Variants in XKR6 observed in about 807,000 individuals in gnomAD.
The protein encoded by XKR6 is XK related 6.
Under a neutral mutation model 56.7 loss-of-function variants are expected in XKR6, and 22 were observed. The ratio of observed to expected loss-of-function variants is 0.39; its 90% CI spans 0.28 to 0.55. The LOEUF (loss-of-function observed/expected upper bound fraction) is 0.55, where lower values mean the gene tolerates loss of function less well. Among genes scored for constraint, XKR6 ranks in the 20% least tolerant of loss-of-function variants. The pLI, the probability that XKR6 is intolerant of heterozygous loss-of-function variation, is 0.66. For missense variants in XKR6, 852 were observed against 889.0 expected, an observed-to-expected ratio of 0.96 and a Z score of 0.53; for synonymous variants, 524 against 387.8, an observed-to-expected ratio of 1.35 and a Z score of -4.13.
intron 1 of XKR6, among the ~76,000 whole-genome samples, chr8:11,193,100 C>A (rs965416162): frequency 1.3e-5 from 2 of 152,194 alleles, no homozygotes; most frequent in African/African-American, 4.8e-5. Context: ...ATCAACCCTA[C>A]CTTTCCTCCA....
chr8:11,064,166 T>G (rs927236087), intron 1 of XKR6, among the ~76,000 whole-genome samples: 1 of 152,170 alleles, frequency 6.6e-6, no homozygotes, highest in Non-Finnish European at 1.5e-5. Context: ...TCCCAATAAA[T>G]GGTTTCATCT....
chr8:11,045,324 G>C (rs910907440), intron 1 of XKR6, among the ~76,000 whole-genome samples: 1 of 151,940 alleles, frequency 6.6e-6, no homozygotes, highest in African/African-American at 2.4e-5. Flanking sequence ...CTAACCTCAA[G>C]TGATCTACCC....
intron 2 of XKR6, among the ~76,000 whole-genome samples, chr8:10,911,886 T>C (rs1484900311): frequency 1.3e-5 from 2 of 150,368 alleles, no homozygotes; most frequent in African/African-American, 4.9e-5. Flanking sequence ...AAGGTGTGTA[T>C]ATATATAGAG....
At chr8:10,956,147 G>A (rs1801880922) in intron 1 of XKR6, among the ~76,000 whole-genome samples, 1 of 152,066 alleles carries the variant, frequency 6.6e-6, no homozygotes, top group South Asian at 2.1e-4. Context: ...TCTCCTGGGG[G>A]CCAGTGCTGC....
intron 1 of XKR6, among the ~76,000 whole-genome samples, chr8:11,193,805 C>T (rs548908408): frequency 1.4e-5 from 2 of 140,690 alleles, no homozygotes; most frequent in East Asian, 4.9e-4. Context: ...AAATACTTGG[C>T]TTAAACAGAT....
chr8:11,065,200 G>A (rs1354878164), intron 1 of XKR6, among the ~76,000 whole-genome samples: 9 of 152,076 alleles, frequency 5.9e-5, no homozygotes, highest in Admixed American at 1.3e-4. Flanking sequence ...TGAGCTCCCC[G>A]GCACCCATGG....
At chr8:11,133,329 C>G (rs1243872697) in intron 1 of XKR6, among the ~76,000 whole-genome samples, 1 of 152,112 alleles carries the variant, frequency 6.6e-6, no homozygotes, top group African/African-American at 2.4e-5. Flanking sequence ...TGGAAGTGCA[C>G]TGTAGCAATA....
chr8:11,166,105 T>C (rs919933363), intron 1 of XKR6, among the ~76,000 whole-genome samples: 7 of 151,874 alleles, frequency 4.6e-5, no homozygotes, highest in Admixed American at 3.3e-4. Context: ...TACAGGCGCA[T>C]GCCACCATGC....
chr8:10,907,269 CT>C (rs1422675692), intron 2 of XKR6, among the ~76,000 whole-genome samples: 1 of 152,182 alleles, frequency 6.6e-6, no homozygotes, highest in Non-Finnish European at 1.5e-5. Flanking sequence ...GGACAAAAAG[CT>C]CTTTAACGTA....
intron 1 of XKR6, among the ~76,000 whole-genome samples, chr8:11,134,480 A>G (rs920594374): frequency 6.6e-6 from 1 of 152,182 alleles, no homozygotes; most frequent in Non-Finnish European, 1.5e-5. Flanking sequence ...TTACAATTCT[A>G]TGCACTCATT....
intron 1 of XKR6, among the ~76,000 whole-genome samples, chr8:10,979,745 A>C (rs1332288715): frequency 6.6e-6 from 1 of 152,162 alleles, no homozygotes; most frequent in Non-Finnish European, 1.5e-5. Flanking sequence ...CCCTGTGGCT[A>C]CTTGGACCCT....
intron 1 of XKR6, among the ~76,000 whole-genome samples, chr8:11,129,263 T>A (rs929678428): frequency 6.6e-6 from 1 of 152,206 alleles, no homozygotes; most frequent in Non-Finnish European, 1.5e-5. Context: ...GTTATGTGAA[T>A]TTCACCTCAA....
chr8:11,142,490 G>A (rs928499903), intron 1 of XKR6, among the ~76,000 whole-genome samples: 1 of 152,152 alleles, frequency 6.6e-6, no homozygotes, highest in African/African-American at 2.4e-5. Context: ...GAGGTGTTTG[G>A]ATCATGGGAG....
chr8:10,928,353 C>T (rs1342179182), intron 1 of XKR6, among the ~76,000 whole-genome samples: 6 of 152,230 alleles, frequency 3.9e-5, no homozygotes, highest in Non-Finnish European at 8.8e-5. Context: ...TCTTCCTCCT[C>T]CTAGCTTTAC....
chr8:11,064,060 C>G (rs963262351), intron 1 of XKR6, among the ~76,000 whole-genome samples: 1 of 152,184 alleles, frequency 6.6e-6, no homozygotes, highest in African/African-American at 2.4e-5. Context: ...TCCCTTTCTA[C>G]TGCGTTTGGG....
intron 1 of XKR6, among the ~76,000 whole-genome samples, chr8:11,030,526 AAC>A (rs1231799886): frequency 3.9e-5 from 6 of 152,136 alleles, no homozygotes; most frequent in East Asian, 1.9e-4. Context: ...CCCGCAGCAA[AAC>A]AGTCTCCCTC....
At chr8:11,094,292 G>A (rs765782572) in intron 1 of XKR6, among the ~76,000 whole-genome samples, 12 of 152,172 alleles carry the variant, frequency 7.9e-5, no homozygotes, top group African/African-American at 2.2e-4. Flanking sequence ...GGGTTCAAGC[G>A]ATTCTCCTGC....
intron 1 of XKR6, among the ~76,000 whole-genome samples, chr8:11,188,899 A>G (rs1803408663): frequency 6.6e-6 from 1 of 151,926 alleles, no homozygotes; most frequent in African/African-American, 2.4e-5. Flanking sequence ...CCCCATGTAC[A>G]TTTCTAGGTG....
At chr8:11,124,497 AT>A (rs1399002167) in intron 1 of XKR6, 9 of 162,372 alleles carry the variant, frequency 5.5e-5, no homozygotes, top group African/African-American at 2.2e-4. Context: ...TAGAATTAGA[AT>A]AAAAATCTTT....
Sources: gnomAD v4.1 joint callset for allele counts (sites outside exome capture counted in the v4.1 genomes callset) on GRCh38, gnomAD v4.1.1 for gene constraint, MANE v1.5 for transcripts, NCBI Gene and HGNC (gene_info 2026-07-23, HGNC 2026-07-21) for gene names.